Variants in EFCAB6 observed in about 807,000 individuals in gnomAD.
EFCAB6 encodes EF-hand calcium-binding domain-containing protein 6.
Under a neutral mutation model 169.8 loss-of-function variants are expected in EFCAB6, and 156 were observed. The ratio of observed to expected loss-of-function variants is 0.92; its 90% CI spans 0.81 to 1.05. The LOEUF (loss-of-function observed/expected upper bound fraction) is 1.05. Among genes scored for constraint, EFCAB6 ranks in the 50% least tolerant of loss-of-function variants. The probability of loss-of-function intolerance (pLI) is 0.00; values close to 1 mark genes in which losing one functional copy is unlikely to be tolerated. For missense variants in EFCAB6, 1,800 were observed against 1,829.1 expected (o/e 0.98, Z 0.29); for synonymous variants, 698 against 676.4 (o/e 1.03, Z -0.50).
chr22:43,778,040 A>G (rs1176089757), intron 3 of EFCAB6, among the ~76,000 whole-genome samples: 2 of 152,236 alleles, frequency 1.3e-5, no homozygotes, highest in Admixed American at 1.3e-4. Context: ...TATAGTTTTA[A>G]AACCCACCAG....
At chr22:43,793,280 G>A (rs1192221389) in intron 2 of EFCAB6, among the ~76,000 whole-genome samples, 2 of 152,212 alleles carry the variant, frequency 1.3e-5, no homozygotes. Context: ...TGGATGACCT[G>A]TTGGGTCTCC....
intron 2 of EFCAB6, chr22:43,797,167 C>CCA (rs2148151316): frequency 6.5e-6 from 1 of 152,852 alleles, no homozygotes; most frequent in South Asian, 2.1e-4. Flanking sequence ...ACCTGAAGCC[C>CCA]CACACAATGA....
At chr22:43,664,005 C>A (rs186309240) in intron 17 of EFCAB6, among the ~76,000 whole-genome samples, 1 of 152,344 alleles carries the variant, frequency 6.6e-6, no homozygotes, top group East Asian at 1.9e-4. Context: ...TTTCTCCTCC[C>A]TGTGGGCATG....
intron 20 of EFCAB6, among the ~76,000 whole-genome samples, chr22:43,622,479 T>A (rs920933294): frequency 5.1e-4 from 78 of 152,092 alleles, no homozygotes; most frequent in African/African-American, 1.7e-3. Context: ...GGCAGGAGAA[T>A]CGCTTGAACC....
chr22:43,755,302 C>T (rs538806082), intron 6 of EFCAB6, among the ~76,000 whole-genome samples: 1 of 152,300 alleles, frequency 6.6e-6, no homozygotes, highest in South Asian at 2.1e-4. Context: ...ATGCTATATG[C>T]TCTTTTTCTA....
Position 43,731,618 on chromosome 22 carries a change from C to T in EFCAB6, c.757+81G>A, listed in dbSNP as rs1453248845. 9.2e-6 allele frequency: 7 copies of T among 760,548 alleles called. No homozygotes were observed. In the East Asian group the frequency reaches 1.8e-4, roughly 20 times the overall value. 47.1% of individuals were successfully genotyped at this position (760,548 alleles called of 1,614,324 possible). A position where few individuals can be genotyped will look rare whatever the true frequency, so the allele number is the denominator to read the frequency against. On this transcript the variant is annotated intron_variant, in intron 8 of 31. Transcript: ENST00000262726. ...GTATTTCCTATATTTGAAAGTATTT[C>T]CTCAGGAATGATCCAAAGAACAGGA...
At chr22:43,727,177 T>C (rs1046056131) in intron 8 of EFCAB6, among the ~76,000 whole-genome samples, 7 of 152,286 alleles carry the variant, frequency 4.6e-5, no homozygotes, top group Non-Finnish European at 7.4e-5. Flanking sequence ...AATCCCAGAA[T>C]TGGGGAGGCT....
At chr22:43,600,709 G>A (rs1394382167) in intron 22 of EFCAB6, among the ~76,000 whole-genome samples, 1 of 152,124 alleles carries the variant, frequency 6.6e-6, no homozygotes, top group Non-Finnish European at 1.5e-5. Flanking sequence ...TGTGGCCCAG[G>A]CTGGAGTACA....
At chr22:43,788,328 T>C (rs543858595) in intron 2 of EFCAB6, among the ~76,000 whole-genome samples, 104 of 152,332 alleles carry the variant, frequency 6.8e-4, no homozygotes, top group Middle Eastern at 3.4e-3. Context: ...TTGCCAATCA[T>C]ATATCTGATA....
intron 17 of EFCAB6, among the ~76,000 whole-genome samples, chr22:43,652,413 CTCTT>C (rs138290396): frequency 0.047 from 7,088 of 152,240 alleles, 188 homozygotes; most frequent in African/African-American, 0.054. Flanking sequence ...CCAATTAAGC[CTCTT>C]TCTTTTGTAA....
chr22:43,591,104 GTTT>G (rs1322016271), intron 23 of EFCAB6, among the ~76,000 whole-genome samples: 1 of 104,382 alleles, frequency 9.6e-6, no homozygotes, highest in Non-Finnish European at 2.0e-5. Context: ...GTTGTTTTTT[GTTT>G]TTTGTTTTTT....
chr22:43,810,631 A>G (rs1363093031), intron 1 of EFCAB6, among the ~76,000 whole-genome samples: 1 of 152,166 alleles, frequency 6.6e-6, no homozygotes, highest in African/African-American at 2.4e-5. Flanking sequence ...TGGGTGCTAT[A>G]GAGATCTCTG....
chr22:43,730,780 G>A (rs1323301669), intron 8 of EFCAB6, among the ~76,000 whole-genome samples: 2 of 152,234 alleles, frequency 1.3e-5, no homozygotes, highest in South Asian at 2.1e-4. Flanking sequence ...GCAGGAACAC[G>A]CTTTGCACAG....
In EFCAB6 at chr22:43,632,124, C is replaced by T. The variant is rs1293937825; in HGVS notation, c.2213G>A (p.Arg738Lys). ...AEECLKLFPRRLKESFRDPYS... is the reference protein window; with the variant it reads ...AEECLKLFPRKLKESFRDPYS... ...GTTTACCCGGAATGACTCCTTCAGC[C>T]TCCTAGGGAAAAGCTTCAGGCATTC... Residue 738 changes from arginine (R) to lysine (K), a missense_variant, in exon 19 of 32, where the codon AGG becomes AAG. By Grantham distance (26) the Arg-to-Lys change is conservative (BLOSUM62 2). Coordinates refer to ENST00000262726, the MANE Select transcript of EFCAB6 (RefSeq NM_022785.4). The T allele has an allele frequency of 6.2e-7, 1 of 1,614,096 alleles. No individual in the cohort carries two copies. Among genetic ancestry groups the T allele is most frequent in the Admixed American group, 1.7e-5 (1 of 59,994 alleles).
chr22:43,755,585 A>G (rs2060927335), intron 6 of EFCAB6, among the ~76,000 whole-genome samples, 181 bp downstream of exon 6: 1 of 152,256 alleles, frequency 6.6e-6, no homozygotes, highest in Non-Finnish European at 1.5e-5. Flanking sequence ...AGACAGTCAA[A>G]GTAGTCGGAA....
At chr22:43,648,720 T>C (rs9626005) in intron 17 of EFCAB6, among the ~76,000 whole-genome samples, 7,022 of 152,206 alleles carry the variant, frequency 0.046, 564 homozygotes, top group African/African-American at 0.16. Flanking sequence ...GTTGAAATTA[T>C]TGTAAATAAT....
intron 17 of EFCAB6, among the ~76,000 whole-genome samples, chr22:43,638,055 G>A (rs1422059079): frequency 5.9e-5 from 9 of 152,122 alleles, no homozygotes; most frequent in African/African-American, 1.4e-4. Context: ...TCGCAGGAGC[G>A]TAATCCCCAG....
At chr22:43,563,731 G>C (rs1288324255) in intron 26 of EFCAB6, among the ~76,000 whole-genome samples, 1 of 152,206 alleles carries the variant, frequency 6.6e-6, no homozygotes, top group East Asian at 1.9e-4. Flanking sequence ...CGTGGGTTGA[G>C]TTCCTGGCTA....
intron 19 of EFCAB6, among the ~76,000 whole-genome samples, chr22:43,631,196 C>T (rs1381406986): frequency 1.3e-5 from 2 of 151,702 alleles, no homozygotes; most frequent in Non-Finnish European, 2.9e-5. Flanking sequence ...TGTGTTCCCT[C>T]CACCCACGGG....
Sources: gnomAD v4.1 joint callset for allele counts (sites outside exome capture counted in the v4.1 genomes callset) on GRCh38, gnomAD v4.1.1 for gene constraint, MANE v1.5 for transcripts, NCBI Gene and HGNC (gene_info 2026-07-23, HGNC 2026-07-21) for gene names.